Variants in PNLIPRP3 observed in about 807,000 individuals in gnomAD.
The protein encoded by PNLIPRP3 is pancreatic lipase-related protein 3.
A neutral mutation model predicts 52.8 loss-of-function variants in PNLIPRP3; 58 were observed. The ratio of observed to expected loss-of-function variants is 1.10; its 90% CI spans 0.89 to 1.37. The LOEUF is 1.37. PNLIPRP3 is among the 40% of genes most tolerant of loss of function. The probability of loss-of-function intolerance (pLI) is 0.00; values close to 1 mark genes in which losing one functional copy is unlikely to be tolerated. For missense variants in PNLIPRP3, 593 were observed against 561.6 expected (o/e 1.06, Z -0.57); for synonymous variants, 192 against 185.0 (o/e 1.04, Z -0.31).
chr10:116,438,358 A>G (rs1845807506), intron 2 of PNLIPRP3, among the ~76,000 whole-genome samples: 1 of 152,168 alleles, frequency 6.6e-6, no homozygotes, highest in Non-Finnish European at 1.5e-5. Context: ...CTTTACCTGA[A>G]TCTGTAACCT....
chr10:116,470,514 A>ATTT (rs34751726), intron 9 of PNLIPRP3, among the ~76,000 whole-genome samples: 13 of 142,482 alleles, frequency 9.1e-5, no homozygotes, highest in African/African-American at 2.3e-4. Flanking sequence ...TATATATATA[A>ATTT]TTTTTTTTTT....
intron 1 of PNLIPRP3, among the ~76,000 whole-genome samples, chr10:116,430,695 A>G (rs1845698582): frequency 6.6e-6 from 1 of 152,184 alleles, no homozygotes; most frequent in African/African-American, 2.4e-5. Flanking sequence ...AAATTTAGAT[A>G]ATACATATAT....
At chr10:116,465,267 C>T (rs567345405) in intron 7 of PNLIPRP3, among the ~76,000 whole-genome samples, 10 of 151,958 alleles carry the variant, frequency 6.6e-5, no homozygotes, top group Non-Finnish European at 8.8e-5. Context: ...AGGCTGGGTG[C>T]GGTGGCTCAC....
At chr10:116,452,092 T>C (rs1365264042) in intron 4 of PNLIPRP3, among the ~76,000 whole-genome samples, 1 of 152,200 alleles carries the variant, frequency 6.6e-6, no homozygotes, top group Non-Finnish European at 1.5e-5. Flanking sequence ...TATTGGGAAC[T>C]GGAGTAAGGG....
intron 10 of PNLIPRP3, among the ~76,000 whole-genome samples, chr10:116,473,667 G>C (rs1223859301): frequency 6.6e-6 from 1 of 151,860 alleles, no homozygotes; most frequent in Non-Finnish European, 1.5e-5. Context: ...GATTACAGGT[G>C]CCCACCACCA....
At chr10:116,445,475 T>C (rs565224680) in intron 4 of PNLIPRP3, among the ~76,000 whole-genome samples, 1 of 152,096 alleles carries the variant, frequency 6.6e-6, no homozygotes, top group Non-Finnish European at 1.5e-5. Context: ...CTCTTTCCAC[T>C]CTATCAGGGA....
chr10:116,432,920 T>C (rs1332962528), intron 1 of PNLIPRP3, among the ~76,000 whole-genome samples: 8 of 151,476 alleles, frequency 5.3e-5, no homozygotes, highest in Admixed American at 1.3e-4. Flanking sequence ...CCAGACTAGC[T>C]TGGCTAACAT....
intron 7 of PNLIPRP3, among the ~76,000 whole-genome samples, chr10:116,465,183 C>T (rs1217371618): frequency 6.6e-6 from 1 of 152,122 alleles, no homozygotes; most frequent in African/African-American, 2.4e-5. Context: ...TTTTTATAGG[C>T]TCAGAATGAG....
chr10:116,469,063 T>A (rs1420687659), intron 8 of PNLIPRP3, 122 bp from the exon 9 acceptor site: 8 of 1,042,980 alleles, frequency 7.7e-6, no homozygotes, highest in African/African-American at 1.7e-5. Flanking sequence ...TAGGCACTTT[T>A]AAAATGCATA....
intron 4 of PNLIPRP3, among the ~76,000 whole-genome samples, chr10:116,446,943 C>T (rs1263329923): frequency 3.3e-5 from 5 of 152,096 alleles, no homozygotes; most frequent in African/African-American, 1.2e-4. Flanking sequence ...AGGGTAATCA[C>T]TTCAATCTCA....
At position 116,444,452 on chromosome 10, in the gene PNLIPRP3, A is replaced by G. The variant is rs757454395; in HGVS notation, c.395A>G (p.His132Arg). The G allele has an allele frequency of 6.2e-7, 1 of 1,613,510 alleles. No homozygotes were observed. Among genetic ancestry groups the G allele is most frequent in the Non-Finnish European group, 8.5e-7 (1 of 1,179,446 alleles). ...DWINGSREYI[H>R]AVNNLRVVGA... is the part of the protein sequence containing the mutation. Reference sequence around the variant, plus strand: ...ATCAACGGTTCACGGGAATACATCCATGCTGTAAACAATCTCCGTGTTGTT... The same window carrying G: ...ATCAACGGTTCACGGGAATACATCCGTGCTGTAAACAATCTCCGTGTTGTT... Residue 132 changes from histidine (H) to arginine (R), a missense_variant, in exon 4 of 12, where the codon CAT becomes CGT. Coordinates refer to ENST00000369230, the MANE Select transcript of PNLIPRP3 (RefSeq NM_001011709.3).
At chr10:116,438,020 A>G (rs74851039) in intron 2 of PNLIPRP3, among the ~76,000 whole-genome samples, 5,776 of 152,282 alleles carry the variant, frequency 0.038, 156 homozygotes, top group Admixed American at 0.1. Context: ...AACATGATAG[A>G]CATCATAAAC....
chr10:116,470,349 C>T (rs1467695165), intron 9 of PNLIPRP3, among the ~76,000 whole-genome samples: 2 of 151,762 alleles, frequency 1.3e-5, no homozygotes, highest in African/African-American at 4.8e-5. Flanking sequence ...AAGAATGTGC[C>T]AGATAAGAAG....
intron 2 of PNLIPRP3, among the ~76,000 whole-genome samples, chr10:116,441,673 AC>A (rs1403360756): frequency 6.6e-6 from 1 of 152,180 alleles, no homozygotes; most frequent in Non-Finnish European, 1.5e-5. Context: ...TATAATCAGA[AC>A]ATCGCTTGAG....
At chr10:116,443,293 A>C in intron 3 of PNLIPRP3, 119 bp downstream of exon 3, 1 of 1,112,856 alleles carries the variant, frequency 9.0e-7, no homozygotes, top group Non-Finnish European at 1.2e-6. Context: ...ATCCACAATT[A>C]TCCGTGTTCT....
intron 10 of PNLIPRP3, among the ~76,000 whole-genome samples, chr10:116,475,744 A>G (rs1010781463): frequency 7.2e-5 from 11 of 152,222 alleles, no homozygotes; most frequent in African/African-American, 2.7e-4. Flanking sequence ...TTATATTTGC[A>G]GTTTGAGTAG....
intron 11 of PNLIPRP3, 98 bp from the exon 12 acceptor site, chr10:116,476,992 A>C (rs1846480239): frequency 1.6e-6 from 2 of 1,224,746 alleles, no homozygotes; most frequent in Non-Finnish European, 2.3e-6. Context: ...GAAGTGTTAG[A>C]AAATAAGAAT....
chr10:116,439,794 G>A (rs1027970443), intron 2 of PNLIPRP3: 1 of 773,600 alleles, frequency 1.3e-6, no homozygotes, highest in Non-Finnish European at 2.4e-6. Flanking sequence ...CCTTCTTCTT[G>A]CCTCCCTTAG....
intron 7 of PNLIPRP3, among the ~76,000 whole-genome samples, chr10:116,464,384 G>C (rs1752896938): frequency 6.6e-6 from 1 of 152,234 alleles, no homozygotes; most frequent in South Asian, 2.1e-4. Context: ...GACCTCCACA[G>C]CCTGCAGTGC....
Sources: gnomAD v4.1 joint callset for allele counts (sites outside exome capture counted in the v4.1 genomes callset) on GRCh38, gnomAD v4.1.1 for gene constraint, MANE v1.5 for transcripts, NCBI Gene and HGNC (gene_info 2026-07-23, HGNC 2026-07-21) for gene names.